MYRFL: variants seen among roughly 807,000 people sequenced by gnomAD.
The protein encoded by MYRFL is myelin regulatory factor-like protein.
Under a neutral mutation model 109.4 loss-of-function variants are expected in MYRFL, and 88 were observed. The ratio of observed to expected loss-of-function variants is 0.80; its 90% confidence interval spans 0.68 to 0.96. The LOEUF is 0.96. Among genes scored for constraint, MYRFL ranks in the 40% least tolerant of loss-of-function variants. The pLI is 0.00. For missense variants in MYRFL, 957 were observed against 954.9 expected, an observed-to-expected ratio of 1.00 and a Z score of -0.03; for synonymous variants, 324 against 320.9, an observed-to-expected ratio of 1.01 and a Z score of -0.10.
intron 6 of MYRFL, among the ~76,000 whole-genome samples, chr12:69,889,641 G>A (rs1013680916): frequency 2.0e-5 from 3 of 152,148 alleles, no homozygotes; most frequent in Non-Finnish European, 1.5e-5. Flanking sequence ...ATCACCTGAG[G>A]TCAGGAGTTC....
chr12:69,936,254 T>C, intron 17 of MYRFL, 29 bp from the exon 18 acceptor site: 1 of 1,535,956 alleles, frequency 6.5e-7, no homozygotes, highest in South Asian at 1.2e-5. Flanking sequence ...CAGCCCTCTT[T>C]CATTAATCAT....
intron 19 of MYRFL, 63 bp downstream of exon 19, chr12:69,936,695 A>G (rs536842566): frequency 5.8e-6 from 8 of 1,368,838 alleles, no homozygotes; most frequent in Middle Eastern, 1.9e-4. Context: ...TCTTGTCACA[A>G]TTTACTTAGA....
chr12:69,929,083 C>T lies in MYRFL; in HGVS notation c.1830+1335C>T, dbSNP rs191679356. 1.7e-3 allele frequency among the ~76,000 whole-genome samples: 261 copies of T among 152,218 alleles called. 1 individual carries two copies. The highest frequency in any genetic ancestry group is 5.6e-3 in the African/African-American group (232 of 41,526). ...TAGCACATAGTAGGCACTCAAGAAA[C>T]GTTTATCAAATGAATACATGAGTGG... On this transcript the variant is annotated intron_variant, in intron 15 of 24. Coordinates refer to ENST00000552032, the MANE Select transcript of MYRFL (RefSeq NM_182530.3).
intron 2 of MYRFL, among the ~76,000 whole-genome samples, chr12:69,858,384 C>T (rs913392916): frequency 4.0e-5 from 6 of 151,678 alleles, no homozygotes; most frequent in African/African-American, 1.2e-4. Flanking sequence ...TGGGAAATTC[C>T]CTCACTTAAA....
chr12:69,897,369 C>T (rs11177947), intron 10 of MYRFL, 123 bp downstream of exon 10: 23,612 of 776,476 alleles, frequency 0.03, 478 homozygotes, highest in Middle Eastern at 0.073. Context: ...ATGGCAGAAA[C>T]TATTATTTTA....
intron 9 of MYRFL, among the ~76,000 whole-genome samples, chr12:69,896,348 T>C (rs1230556635): frequency 2.6e-5 from 4 of 152,234 alleles, no homozygotes; most frequent in African/African-American, 7.2e-5. Context: ...TTACTACTCT[T>C]ACTGATTTAC....
intron 5 of MYRFL, among the ~76,000 whole-genome samples, chr12:69,883,706 T>A (rs76528812): frequency 5.3e-4 from 67 of 125,402 alleles, no homozygotes; most frequent in Admixed American, 6.6e-4. Flanking sequence ...CTACAAAAAG[T>A]AAAAAAAAAA....
At chr12:69,920,630 A>AG (rs1487621352) in intron 13 of MYRFL, among the ~76,000 whole-genome samples, 1 of 152,192 alleles carries the variant, frequency 6.6e-6, no homozygotes, top group East Asian at 1.9e-4. Context: ...AGGGGAGGAC[A>AG]GGTGATTCAG....
At chr12:69,912,531 C>T (rs1954602570) in intron 13 of MYRFL, among the ~76,000 whole-genome samples, 1 of 152,180 alleles carries the variant, frequency 6.6e-6, no homozygotes, top group Non-Finnish European at 1.5e-5. Flanking sequence ...ATGATTCTGA[C>T]TACATATAAG....
chr12:69,877,027 T>TTTCTTTCTTTCTTTCTTTCTTTC (rs1885715465), intron 2 of MYRFL, among the ~76,000 whole-genome samples: 132 of 37,176 alleles, frequency 3.6e-3, no homozygotes, highest in Middle Eastern at 9.3e-3. Flanking sequence ...TTCTTTCTTT[T>TTTCTTTCTTTCTTTCTTTCTTTC]TTTTTTTTTT....
intron 10 of MYRFL, among the ~76,000 whole-genome samples, chr12:69,903,392 C>G (rs900431619): frequency 1.3e-5 from 2 of 152,062 alleles, no homozygotes; most frequent in Non-Finnish European, 2.9e-5. Flanking sequence ...CAGATAGATG[C>G]AATAGAGATT....
At chr12:69,944,900 CAA>C (rs1471645466) in intron 19 of MYRFL, among the ~76,000 whole-genome samples, 1 of 151,730 alleles carries the variant, frequency 6.6e-6, no homozygotes, top group East Asian at 1.9e-4. Flanking sequence ...ATGGATATCC[CAA>C]GTTACACTAA....
At chr12:69,944,409 T>C (rs1251037835) in intron 19 of MYRFL, among the ~76,000 whole-genome samples, 1 of 142,556 alleles carries the variant, frequency 7.0e-6, no homozygotes, top group Non-Finnish European at 1.5e-5. Flanking sequence ...TTGGAAATCA[T>C]CATTCTCAGT....
At chr12:69,860,921 C>G (rs1297520764) in intron 2 of MYRFL, among the ~76,000 whole-genome samples, 3 of 132,540 alleles carry the variant, frequency 2.3e-5, no homozygotes, top group Admixed American at 7.8e-5. Context: ...CAACAGTCCC[C>G]AGAGTGTGAT....
chr12:69,850,174 A>C (rs990162976), intron 1 of MYRFL, among the ~76,000 whole-genome samples: 1 of 152,126 alleles, frequency 6.6e-6, no homozygotes, highest in Admixed American at 6.6e-5. Flanking sequence ...TTCCACCATG[A>C]TTGTGAGACC....
chr12:69,958,872 T>A lies in MYRFL; in HGVS notation c.*341T>A, dbSNP rs74441863. The A allele has an allele frequency of 0.026, 5,348 of 205,040 alleles. 304 individuals are homozygous for A. Among genetic ancestry groups the A allele is most frequent in the African/African-American group, 0.12 (5,032 of 42,406 alleles). The allele number at this position is 205,040 out of a possible 1,614,324, so 12.7% of individuals were successfully genotyped here. Reference sequence around the variant, plus strand: ...AGATCTAGCCTCTATTTTGTTTTAATGTATTTTAAAGCTTTTGAAAAAACC... The same window carrying A: ...AGATCTAGCCTCTATTTTGTTTTAAAGTATTTTAAAGCTTTTGAAAAAACC... On this transcript the variant is annotated 3_prime_UTR_variant, in exon 25 of 25. Transcript: ENST00000552032.
chr12:69,903,715 T>C lies in MYRFL; in HGVS notation c.1254T>C (p.Ile418=), dbSNP rs1365430831. The stretch of plus-strand genomic sequence containing the variant: ...AGCGAGGACAAGTTCCAGAATCTAT[T>C]GTCTGTCACGGTCGAGTAGGAATCA... ...LWQRGQVPES[I]VCHGRVGINT... is the part of the protein sequence containing the mutation. Residue 418 remains isoleucine (I), a synonymous_variant, in exon 11 of 25, where the codon ATT becomes ATC. Coordinates refer to ENST00000552032, the MANE Select transcript of MYRFL (RefSeq NM_182530.3). 12 of 1,535,800 alleles carry C rather than the reference T, an allele frequency of 7.8e-6. No homozygotes were observed. Among genetic ancestry groups the C allele is most frequent in the Non-Finnish European group, 1.0e-5 (12 of 1,146,718 alleles).
chr12:69,938,840 C>T (rs968083211), intron 19 of MYRFL, among the ~76,000 whole-genome samples: 11 of 152,014 alleles, frequency 7.2e-5, no homozygotes, highest in Admixed American at 1.3e-4. Flanking sequence ...GTGCGCGCAC[C>T]GTGCGCGAGC....
chr12:69,885,638 C>T (rs1320129050), intron 5 of MYRFL, among the ~76,000 whole-genome samples: 2 of 152,116 alleles, frequency 1.3e-5, no homozygotes, highest in Admixed American at 1.3e-4. Flanking sequence ...TACCATTTTA[C>T]ATAAAAATTA....
Sources: allele counts gnomAD v4.1 joint callset (sites outside exome capture counted in the v4.1 genomes callset), GRCh38; gene constraint gnomAD v4.1.1; transcripts MANE v1.5; gene names NCBI Gene and HGNC (gene_info 2026-07-23, HGNC 2026-07-21).